The following CCL3 variants were observed in gnomAD, a reference collection of about 807,000 sequenced individuals.
CCL3 encodes C-C motif chemokine 3.
Under a neutral mutation model 8.1 loss-of-function variants are expected in CCL3, and 6 were observed. That is an observed-to-expected ratio of 0.74 (90% confidence interval 0.41 to 1.46). The LOEUF (loss-of-function observed/expected upper bound fraction) is 1.46. CCL3 is among the 40% of genes most tolerant of loss of function. The probability of loss-of-function intolerance (pLI) is 0.02; values close to 1 mark genes in which losing one functional copy is unlikely to be tolerated. For missense variants in CCL3, 109 were observed against 117.7 expected, an observed-to-expected ratio of 0.93 and a Z score of 0.34; for synonymous variants, 45 against 45.1, an observed-to-expected ratio of 1.00 and a Z score of 0.01.
Position 36,089,187 on chromosome 17 carries a change from C to T in CCL3, c.184G>A (p.Val62Ile), listed in dbSNP as rs943179896. Residue 62 changes from valine to isoleucine, a missense_variant, in exon 2 of 3, where the codon GTC (valine) becomes ATC (isoleucine). By Grantham distance (29) the Val-to-Ile change is conservative. Coordinates refer to ENST00000613922, the MANE Select transcript of CCL3 (RefSeq NM_002983.3). ...ETSSQCSKPG[V>I]IFLTKRSRQV... ...AGCAGGAAGACTGGCACTTACATGA[C>T]ACCGGGCTTGGAGCACTGGCTGCTC... The T allele has an allele frequency of 6.2e-7, 1 of 1,613,872 alleles. No homozygotes were observed. The highest frequency in any genetic ancestry group is 1.3e-5 in the African/African-American group (1 of 74,920).
chr17:36,089,871 G>T, intron 1 of CCL3, 115 bp downstream of exon 1: 2 of 974,648 alleles, frequency 2.1e-6, no homozygotes, highest in East Asian at 2.6e-5. Flanking sequence ...AAGATGTTTG[G>T]CAGCCCTTTA....
At chr17:36,089,089 G>C (rs1393007405) in intron 2 of CCL3, 94 bp downstream of exon 2, 1 of 1,513,038 alleles carries the variant, frequency 6.6e-7, no homozygotes, top group South Asian at 1.1e-5. Context: ...GCTCCTGAAG[G>C]CTGGGCCTTT....
chr17:36,089,411 A>G (rs1598812762), intron 1 of CCL3, 114 bp from the exon 2 acceptor site: 1 of 1,329,842 alleles, frequency 7.5e-7, no homozygotes, highest in East Asian at 2.3e-5. Context: ...AGTGACTGGA[A>G]GGCATTTGGG....
intron 1 of CCL3, 107 bp from the exon 2 acceptor site, chr17:36,089,404 G>C: frequency 7.2e-7 from 1 of 1,394,692 alleles, no homozygotes; most frequent in Non-Finnish European, 1.0e-6. Context: ...CAGACCAAGT[G>C]ACTGGAAGGC....
chr17:36,089,379 G>C, intron 1 of CCL3, 82 bp from the exon 2 acceptor site: 1 of 1,575,246 alleles, frequency 6.3e-7, no homozygotes, highest in Non-Finnish European at 8.7e-7. Flanking sequence ...AGCAGTTGAG[G>C]AAGGCAGGCT....
rs768957090 is a variant in CCL3 at position 36,088,646 on chromosome 17, G to T, written c.*26C>A. 6.2e-7 allele frequency: 1 copy of T among 1,612,176 alleles called. No individual in the cohort carries two copies. Among genetic ancestry groups the T allele is most frequent in the Non-Finnish European group, 8.5e-7 (1 of 1,179,500 alleles). On this transcript the variant is annotated 3_prime_UTR_variant, in exon 3 of 3. Transcript: ENST00000613922. ...CCTCCCCACTGGGCCCACCGAGGTC[G>T]CTGGGCCTCGAAGCTTCTGGACCCC...
chr17:36,089,059 G>A, intron 2 of CCL3, 124 bp downstream of exon 2: 1 of 1,290,010 alleles, frequency 7.8e-7, no homozygotes, highest in Admixed American at 1.8e-5. Context: ...TCGGAGCCCT[G>A]CGTCCTGTAT....
Position 36,089,200 on chromosome 17 carries a change from G to A in CCL3, c.171C>T (p.Cys57=). The A allele has an allele frequency of 6.2e-7, 1 of 1,614,008 alleles. No individual in the cohort carries two copies. Among genetic ancestry groups the A allele is most frequent in the Non-Finnish European group, 8.5e-7 (1 of 1,179,886 alleles). ...IADYFETSSQ[C]SKPGVIFLTK... ...GCACTTACATGACACCGGGCTTGGA[G>A]CACTGGCTGCTCGTCTCAAAGTAGT... is the stretch of plus-strand genomic sequence containing the variant. Residue 57 remains cysteine, a synonymous_variant, in exon 2 of 3, where the codon TGC becomes TGT. Transcript: ENST00000613922.
chr17:36,089,581 A>T, intron 1 of CCL3: 1 of 607,294 alleles, frequency 1.6e-6, no homozygotes, highest in Non-Finnish European at 2.9e-6. Context: ...TCAAGAAGTC[A>T]TACCCCAACC....
chr17:36,088,657 A>G lies in CCL3; in HGVS notation c.*15T>C. 6.2e-7 allele frequency: 1 copy of G among 1,612,890 alleles called. No individual in the cohort carries two copies. Among genetic ancestry groups the G allele is most frequent in the Non-Finnish European group, 8.5e-7 (1 of 1,179,804 alleles). Reference sequence around the variant, plus strand: ...GGCCCACCGAGGTCGCTGGGCCTCGAAGCTTCTGGACCCCTCAGGCACTCA... The same window carrying G: ...GGCCCACCGAGGTCGCTGGGCCTCGGAGCTTCTGGACCCCTCAGGCACTCA... On this transcript the variant is annotated 3_prime_UTR_variant, in exon 3 of 3. Coordinates refer to ENST00000613922, the MANE Select transcript of CCL3 (RefSeq NM_002983.3).
intron 2 of CCL3, 95 bp downstream of exon 2, chr17:36,089,088 G>A: frequency 1.3e-6 from 2 of 1,513,452 alleles, no homozygotes. Context: ...GGCTCCTGAA[G>A]GCTGGGCCTT....
In CCL3 at chr17:36,089,294, G is replaced by A; in HGVS notation, c.77C>T (p.Ala26Val). Residue 26 changes from alanine to valine, a missense_variant, in exon 2 of 3, where the codon GCT becomes GTT. Ala to Val is a moderately conservative substitution (Grantham distance 64). Transcript: ENST00000613922. ...GCAGCAGGCGGTCGGCGTGTCAGCA[G>A]CAACTGTGGAGAAAGGAAGAGAATG... is the stretch of plus-strand genomic sequence containing the variant. ...ALCNQFSASL[A>V]ADTPTACCFS... 2 of 1,614,138 alleles carry A rather than the reference G, an allele frequency of 1.2e-6. No individual in the cohort carries two copies. Among genetic ancestry groups the A allele is most frequent in the Non-Finnish European group, 1.7e-6 (2 of 1,180,026 alleles).
rs907373779 is a variant in CCL3, at chr17:36,089,815, A to C, written c.73+171T>G. The C allele has an allele frequency of 5.3e-6, 4 of 749,554 alleles. No individual in the cohort carries two copies. The African/African-American group carries it at 6.9e-5, about 13-fold the overall frequency. 46.4% of individuals were successfully genotyped at this position (749,554 alleles called of 1,614,324 possible). On this transcript the variant is annotated intron_variant, in intron 1 of 2. Transcript: ENST00000613922. ...TCTCATACCTGGAGACTAGGGGGCTAAGACCCCTTCTAGAGATAAAAATAA... is the reference window on the plus strand; with the variant it reads ...TCTCATACCTGGAGACTAGGGGGCTCAGACCCCTTCTAGAGATAAAAATAA...
chr17:36,088,862 A>AG (rs2067012729), intron 2 of CCL3, 100 bp from the exon 3 acceptor site: 1 of 1,508,020 alleles, frequency 6.6e-7, no homozygotes. Flanking sequence ...TGGGCAGCTC[A>AG]GGGCTTGCTC....
In CCL3 at chr17:36,088,562, T is replaced by G; in HGVS notation, c.*110A>C. On this transcript the variant is annotated 3_prime_UTR_variant, in exon 3 of 3. Transcript: ENST00000613922. ...AGTGTGGCTGTTTGGCAACAACCAG[T>G]CCATAGAAGAGGTAGCTGTGGAGGT... 1 of 1,164,244 alleles carries G rather than the reference T, an allele frequency of 8.6e-7. No individual in the cohort carries two copies. The highest frequency in any genetic ancestry group is 1.3e-6 in the Non-Finnish European group (1 of 773,862). The allele number at this position is 1,164,244 out of a possible 1,614,324, so 72.1% of individuals were successfully genotyped here. A position where few individuals can be genotyped will look rare whatever the true frequency, so the allele number is the denominator to read the frequency against.
intron 2 of CCL3, among the ~76,000 whole-genome samples, 185 bp from the exon 3 acceptor site, chr17:36,088,947 T>G (rs1435184499): frequency 6.6e-6 from 1 of 151,946 alleles, no homozygotes; most frequent in East Asian, 2.0e-4. Context: ...GCCCTCAGAG[T>G]GTCCCGCTGC....
In CCL3 at chr17:36,089,422, C is replaced by T. The variant is rs1203730157; in HGVS notation, c.74-125G>A. 4 of 1,125,012 alleles carry T rather than the reference C, an allele frequency of 3.6e-6. No individual in the cohort carries two copies. In the East Asian group the frequency reaches 7.1e-5, roughly 20 times the overall value. The allele number at this position is 1,125,012 out of a possible 1,614,324, so 69.7% of individuals were successfully genotyped here. A position where few individuals can be genotyped will look rare whatever the true frequency, so the allele number is the denominator to read the frequency against. ...ACCAAGTGACTGGAAGGCATTTGGG[C>T]ATTTTTGCTGAGAAATGTCTCTTTG... On this transcript the variant is annotated intron_variant, in intron 1 of 2. Transcript: ENST00000613922.
At chr17:36,089,795 T>G (rs776306995) in intron 1 of CCL3, 191 bp downstream of exon 1, 5 of 728,338 alleles carry the variant, frequency 6.9e-6, no homozygotes, top group Non-Finnish European at 1.3e-5. Context: ...TAGATTCTCA[T>G]ACCTGGAGAC....
chr17:36,089,648 A>G (rs976227777), intron 1 of CCL3: 25 of 649,360 alleles, frequency 3.8e-5, no homozygotes, highest in African/African-American at 2.9e-4. Flanking sequence ...CTCCTGGGAG[A>G]CCTAGAGTGA....
Sources: allele counts gnomAD v4.1 joint callset (sites outside exome capture counted in the v4.1 genomes callset), GRCh38; gene constraint gnomAD v4.1.1; transcripts MANE v1.5; gene names NCBI Gene and HGNC (gene_info 2026-07-23, HGNC 2026-07-21).